ANXA8: variants seen among roughly 807,000 people sequenced by gnomAD.
ANXA8 encodes VAC-beta.
Under a neutral mutation model 26.8 loss-of-function variants are expected in ANXA8, and 9 were observed. The observed-to-expected ratio is 0.34, with a 90% confidence interval of 0.20 to 0.59. The LOEUF (loss-of-function observed/expected upper bound fraction) is 0.59, where lower values mean the gene tolerates loss of function less well. Among genes scored for constraint, ANXA8 ranks in the 20% least tolerant of loss-of-function variants. The probability of loss-of-function intolerance (pLI) is 0.84; values close to 1 mark genes in which losing one functional copy is unlikely to be tolerated. For synonymous variants in ANXA8, 39 were observed against 94.8 expected (o/e 0.41, Z 3.42); for missense variants, 83 against 238.5 (o/e 0.35, Z 4.29).
the ANXA8 span, among the ~76,000 whole-genome samples, chr10:47,595,425 C>A: frequency 2.7e-5 from 4 of 148,154 alleles, 1 homozygote; most frequent in African/African-American, 7.9e-5. Context: ...TAACCTTGAA[C>A]ATAAATGGCC....
intron 1 of ANXA8, among the ~76,000 whole-genome samples, chr10:47,480,816 A>ACATC (rs1274300808): frequency 0.05 from 5,158 of 103,188 alleles, 52 homozygotes; most frequent in African/African-American, 0.17. Context: ...TTTGACTACC[A>ACATC]CATCCATCCA....
At chr10:47,711,369 T>C in the ANXA8 span, among the ~76,000 whole-genome samples, 1 of 149,680 alleles carries the variant, frequency 6.7e-6, no homozygotes, top group Non-Finnish European at 1.5e-5. Flanking sequence ...ACAGTTTCAT[T>C]TGTGGCTTAT....
the ANXA8 span, among the ~76,000 whole-genome samples, chr10:47,896,351 C>T: frequency 2.0e-5 from 3 of 151,250 alleles, no homozygotes; most frequent in Non-Finnish European, 4.4e-5. Context: ...ACCAGGTGCA[C>T]CCAAACATTG....
chr10:47,552,933 A>G, the ANXA8 span, among the ~76,000 whole-genome samples: 3 of 152,000 alleles, frequency 2.0e-5, no homozygotes, highest in East Asian at 5.8e-4. Context: ...GCAAGGCTGC[A>G]GAGGGTGCTA....
At chr10:47,563,743 A>G in the ANXA8 span, 8 of 838,074 alleles carry the variant, frequency 9.5e-6, no homozygotes, top group East Asian at 1.7e-4. Flanking sequence ...GTTTACAAAC[A>G]TGTTACTGTT....
At chr10:47,555,593 C>A in the ANXA8 span, among the ~76,000 whole-genome samples, 12 of 151,976 alleles carry the variant, frequency 7.9e-5, no homozygotes, top group Non-Finnish European at 1.2e-4. Context: ...GTGACTCAGA[C>A]CTCTAACCTG....
the ANXA8 span, among the ~76,000 whole-genome samples, chr10:47,497,450 T>C: frequency 6.9e-6 from 1 of 145,006 alleles, no homozygotes; most frequent in Non-Finnish European, 1.5e-5. Context: ...ACCCCATCTC[T>C]ACTAAAATAA....
At chr10:47,705,931 G>C in the ANXA8 span, among the ~76,000 whole-genome samples, 9 of 150,334 alleles carry the variant, frequency 6.0e-5, no homozygotes, top group Non-Finnish European at 1.3e-4. Flanking sequence ...CGCGTATTTC[G>C]GGGGGCGGAG....
At chr10:47,502,709 G>A in the ANXA8 span, 52 of 1,607,992 alleles carry the variant, frequency 3.2e-5, no homozygotes, top group East Asian at 1.4e-4. Flanking sequence ...GCGTTCCCAC[G>A]CATGTTTTGG....
At chr10:47,656,356 C>T in the ANXA8 span, among the ~76,000 whole-genome samples, 3 of 150,882 alleles carry the variant, frequency 2.0e-5, no homozygotes, top group Non-Finnish European at 4.4e-5. Flanking sequence ...TGTGATTGTG[C>T]CACTGCGCTC....
chr10:47,551,120 C>T, the ANXA8 span, among the ~76,000 whole-genome samples: 27,975 of 149,690 alleles, frequency 0.19, 2,902 homozygotes, highest in East Asian at 0.51. Context: ...AATCTGACTG[C>T]TTTATGAGTG....
the ANXA8 span, among the ~76,000 whole-genome samples, chr10:47,948,482 T>C: frequency 7.3e-6 from 1 of 137,188 alleles, no homozygotes. Context: ...AATTTCTTTA[T>C]GAAATGAACA....
At chr10:47,924,642 C>T in the ANXA8 span, among the ~76,000 whole-genome samples, 1 of 151,852 alleles carries the variant, frequency 6.6e-6, no homozygotes, top group Admixed American at 6.6e-5. Flanking sequence ...GCTCTCACCC[C>T]TGACCAAGAA....
chr10:47,733,261 T>C, the ANXA8 span, among the ~76,000 whole-genome samples: 20 of 110,982 alleles, frequency 1.8e-4, no homozygotes, highest in African/African-American at 2.1e-4. Context: ...CTTTCTTTCT[T>C]TCTTTCTTTC....
chr10:47,685,346 CAAA>C, the ANXA8 span, among the ~76,000 whole-genome samples: 3 of 82,970 alleles, frequency 3.6e-5, no homozygotes, highest in Admixed American at 1.4e-4. Context: ...GAATCTGTCT[CAAA>C]AAAAAAAAAA....
At chr10:47,670,432 A>G in the ANXA8 span, among the ~76,000 whole-genome samples, 30 of 151,642 alleles carry the variant, frequency 2.0e-4, no homozygotes, top group African/African-American at 6.8e-4. Context: ...TTAATGAGGA[A>G]CTGCCAATCT....
At chr10:47,667,840 C>A in the ANXA8 span, among the ~76,000 whole-genome samples, 831 of 152,046 alleles carry the variant, frequency 5.5e-3, 21 homozygotes, top group African/African-American at 0.019. Flanking sequence ...TGGGTTCAAG[C>A]CATTCTCATG....
the ANXA8 span, among the ~76,000 whole-genome samples, chr10:47,570,610 C>T: frequency 3.3e-5 from 5 of 149,918 alleles, no homozygotes; most frequent in African/African-American, 5.0e-5. Context: ...AGCGAGACCC[C>T]GTCTCTACAA....
chr10:47,692,636 GCTACAACT>G, the ANXA8 span: 5 of 120,554 alleles, frequency 4.1e-5, no homozygotes, highest in Admixed American at 4.4e-4. Context: ...CACCTGATCG[GCTACAACT>G]CTGAACTCCT....
Sources: allele counts gnomAD v4.1 joint callset (sites outside exome capture counted in the v4.1 genomes callset), GRCh38; gene constraint gnomAD v4.1.1; transcripts MANE v1.5; gene names NCBI Gene and HGNC (gene_info 2026-07-23, HGNC 2026-07-21).